Variants in ELMO1 observed in about 807,000 individuals in gnomAD.
The protein encoded by ELMO1 is engulfment and cell motility 1, also known as engulfment and cell motility protein 1.
Under a neutral mutation model 98.9 loss-of-function variants are expected in ELMO1, and 26 were observed. The observed-to-expected ratio is 0.26, with a 90% CI of 0.19 to 0.36. The LOEUF is 0.36. Among genes scored for constraint, ELMO1 ranks in the 10% least tolerant of loss-of-function variants. The pLI, the probability that ELMO1 is intolerant of heterozygous loss-of-function variation, is 1.00. For missense variants in ELMO1, 627 were observed against 935.2 expected, an observed-to-expected ratio of 0.67 and a Z score of 4.30; for synonymous variants, 346 against 346.0, an observed-to-expected ratio of 1.00 and a Z score of 0.00.
chr7:37,416,758 G>A (rs535767240), intron 1 of ELMO1, among the ~76,000 whole-genome samples: 1 of 152,302 alleles, frequency 6.6e-6, no homozygotes, highest in South Asian at 2.1e-4. Flanking sequence ...TCTGTTATAG[G>A]TCAGCTGCAA....
At chr7:36,932,676 G>C (rs923170757) in intron 16 of ELMO1, among the ~76,000 whole-genome samples, 1 of 152,220 alleles carries the variant, frequency 6.6e-6, no homozygotes, top group African/African-American at 2.4e-5. Context: ...GACAGACACA[G>C]AGCAAAGATG....
At chr7:37,415,393 G>A (rs183638943) in intron 1 of ELMO1, among the ~76,000 whole-genome samples, 1 of 152,346 alleles carries the variant, frequency 6.6e-6, no homozygotes, top group East Asian at 1.9e-4. Context: ...TCAACATCAA[G>A]AGTGTAGGGT....
chr7:37,013,428 C>T lies in ELMO1; in HGVS notation c.1308G>A (p.Glu436=), dbSNP rs769165622. ...ACATCGGGTGGAAGTCGTTGCAGGT[C>T]TCACTAGCTGGAGGAAAGAGATGGA... ...EILKVGELPS[E]TCNDFHPMFF... The change falls in exon 16 of 22, where the codon GAG becomes GAA. Residue 436 remains glutamate (E), a synonymous_variant. Transcript: ENST00000310758. The T allele has an allele frequency of 6.2e-7, 1 of 1,613,812 alleles. No individual in the cohort carries two copies. The highest frequency in any genetic ancestry group is 1.3e-5 in the African/African-American group (1 of 74,886).
intron 1 of ELMO1, among the ~76,000 whole-genome samples, chr7:37,442,701 G>A (rs1300468774): frequency 6.6e-6 from 1 of 152,198 alleles, no homozygotes; most frequent in Non-Finnish European, 1.5e-5. Flanking sequence ...GATTGACTCT[G>A]AAGAACTAGG....
rs767222892 is a variant in ELMO1 at position 37,405,604 on chromosome 7, G to A, written c.-74+43071C>T. On this transcript the variant is annotated intron_variant, in intron 1 of 21. Coordinates refer to ENST00000310758, the MANE Select transcript of ELMO1 (RefSeq NM_014800.11). Reference sequence around the variant, plus strand: ...AAAGCAATTAAACTTCTGTGTGCACGGGACACTGAAGTCATGTGTGGCATG... The same window carrying A: ...AAAGCAATTAAACTTCTGTGTGCACAGGACACTGAAGTCATGTGTGGCATG... Among the ~76,000 whole-genome samples the A allele has an allele frequency of 2.6e-5, 4 of 152,162 alleles. No homozygotes were observed. In the South Asian group the frequency reaches 6.2e-4, roughly 24 times the overall value.
At chr7:36,922,347 C>CAAAAAAAA (rs750588423) in intron 16 of ELMO1, among the ~76,000 whole-genome samples, 4 of 85,558 alleles carry the variant, frequency 4.7e-5, no homozygotes, top group South Asian at 3.8e-4. Context: ...CACAGACTTG[C>CAAAAAAAA]AAAAAAAAAA....
chr7:37,315,801 A>G, intron 3 of ELMO1, 119 bp downstream of exon 3: 1 of 888,094 alleles, frequency 1.1e-6, no homozygotes, highest in Non-Finnish European at 1.8e-6. Flanking sequence ...ATTCTTATTG[A>G]CTTTGAGCAA....
At chr7:36,903,585 C>G (rs1390396544) in intron 16 of ELMO1, among the ~76,000 whole-genome samples, 1 of 152,194 alleles carries the variant, frequency 6.6e-6, no homozygotes, top group Admixed American at 6.5e-5. Flanking sequence ...GGCCTCATCC[C>G]TTGAGATTCT....
chr7:37,351,053 C>T (rs926448058), intron 1 of ELMO1: 1 of 148,838 alleles, frequency 6.7e-6, no homozygotes, highest in South Asian at 2.1e-4. Context: ...ACACAAAAGG[C>T]AGAAAGCGTC....
intron 1 of ELMO1, among the ~76,000 whole-genome samples, chr7:37,380,913 C>T (rs892245112): frequency 7.9e-5 from 12 of 152,150 alleles, no homozygotes; most frequent in Non-Finnish European, 1.3e-4. Context: ...TTAGATAGCA[C>T]GCCAGTACCA....
At chr7:37,391,759 C>A (rs887634546) in intron 1 of ELMO1, among the ~76,000 whole-genome samples, 1 of 152,166 alleles carries the variant, frequency 6.6e-6, no homozygotes, top group Non-Finnish European at 1.5e-5. Flanking sequence ...AAGATTTGGG[C>A]AAGCCCCCAT....
chr7:37,423,358 T>C (rs1804563166), intron 1 of ELMO1, among the ~76,000 whole-genome samples: 1 of 152,186 alleles, frequency 6.6e-6, no homozygotes, highest in Non-Finnish European at 1.5e-5. Flanking sequence ...GCTGGGAGGA[T>C]CACCTGAGGT....
chr7:37,109,293 T>C lies in ELMO1; in HGVS notation c.1192-12566A>G, dbSNP rs544538106. On this transcript the variant is annotated intron_variant, in intron 14 of 21. Transcript: ENST00000310758. ...TACACTCAACCTTCTTTGTGTATTGTGAAAATAAACATTTACAGAACATTG... is the reference window on the plus strand; with the variant it reads ...TACACTCAACCTTCTTTGTGTATTGCGAAAATAAACATTTACAGAACATTG... Among the ~76,000 whole-genome samples, 38 of 152,368 alleles carry C rather than the reference T, an allele frequency of 2.5e-4. 2 individuals are homozygous for C. In the South Asian group the frequency reaches 7.9e-3, roughly 32 times the overall value.
chr7:37,149,386 G>C (rs934982037), intron 13 of ELMO1, among the ~76,000 whole-genome samples: 14 of 152,196 alleles, frequency 9.2e-5, no homozygotes, highest in African/African-American at 3.4e-4. Flanking sequence ...GCCAAGTACT[G>C]CTCTAAGCCA....
intron 6 of ELMO1, among the ~76,000 whole-genome samples, chr7:37,245,735 T>C (rs952643281): frequency 2.0e-5 from 3 of 152,130 alleles, no homozygotes; most frequent in East Asian, 1.9e-4. Flanking sequence ...TGGCTCGTAT[T>C]AGGGGTGGGG....
At chr7:36,960,857 T>C (rs373789677) in intron 16 of ELMO1, among the ~76,000 whole-genome samples, 2 of 152,144 alleles carry the variant, frequency 1.3e-5, no homozygotes, top group South Asian at 2.1e-4. Flanking sequence ...CTGGGCCCTA[T>C]GCAAACCAGA....
chr7:37,176,146 T>C (rs1329420522), intron 13 of ELMO1, among the ~76,000 whole-genome samples: 1 of 152,224 alleles, frequency 6.6e-6, no homozygotes, highest in African/African-American at 2.4e-5. Flanking sequence ...TACAATGGGC[T>C]AGGCAAATTA....
chr7:37,338,643 A>G (rs1800550595), intron 2 of ELMO1, among the ~76,000 whole-genome samples: 1 of 152,218 alleles, frequency 6.6e-6, no homozygotes, highest in African/African-American at 2.4e-5. Context: ...TTGGGATTCC[A>G]GACTCTTGAC....
chr7:37,280,580 C>G (rs2130900575), intron 4 of ELMO1, among the ~76,000 whole-genome samples: 1 of 151,690 alleles, frequency 6.6e-6, no homozygotes, highest in South Asian at 2.1e-4. Context: ...TAAAAATGGC[C>G]AAGAAACATA....
Sources: allele counts gnomAD v4.1 joint callset (sites outside exome capture counted in the v4.1 genomes callset), GRCh38; gene constraint gnomAD v4.1.1; transcripts MANE v1.5; gene names NCBI Gene and HGNC (gene_info 2026-07-23, HGNC 2026-07-21).